The following APIP variants were observed in gnomAD, a reference collection of about 807,000 sequenced individuals.
APIP encodes APAF1 interacting protein.
Under a neutral mutation model 32.0 loss-of-function variants are expected in APIP, and 32 were observed. The observed-to-expected ratio is 1.00, with a 90% CI of 0.76 to 1.34. The LOEUF is 1.34. Among genes scored for constraint, APIP ranks in the 40% most tolerant of loss-of-function variants. APIP has a pLI of 0.00. For synonymous variants in APIP, 92 were observed against 94.8 expected, an observed-to-expected ratio of 0.97 and a Z score of 0.17; for missense variants, 247 against 298.6, an observed-to-expected ratio of 0.83 and a Z score of 1.27.
At chr11:34,893,911 A>C (rs1313118795) in intron 2 of APIP, among the ~76,000 whole-genome samples, 1 of 152,242 alleles carries the variant, frequency 6.6e-6, no homozygotes, top group Non-Finnish European at 1.5e-5. Context: ...ACAGCACATA[A>C]ATATTTTAAT....
chr11:34,890,493 C>A lies in APIP; in HGVS notation c.207+11G>T. On this transcript the variant is annotated intron_variant, in intron 3 of 6. Transcript: ENST00000395787. ...AAAAGACACTGAGGTTAAAGAATCCCATTACCATACCTGAATTCGTTCCTT... is the reference window on the plus strand; with the variant it reads ...AAAAGACACTGAGGTTAAAGAATCCAATTACCATACCTGAATTCGTTCCTT... 6.2e-7 allele frequency: 1 copy of A among 1,605,860 alleles called. No homozygotes were observed. The highest frequency in any genetic ancestry group is 8.5e-7 in the Non-Finnish European group (1 of 1,176,254).
chr11:34,898,085 T>A (rs962819145), intron 1 of APIP, among the ~76,000 whole-genome samples: 1 of 152,058 alleles, frequency 6.6e-6, no homozygotes, highest in Non-Finnish European at 1.5e-5. Context: ...CAAAGGGCCC[T>A]GGTGTTCCTT....
At position 34,882,357 on chromosome 11, in the gene APIP, C is replaced by T. The variant is rs1057175428; in HGVS notation, c.*360G>A. The T allele has an allele frequency of 6.4e-6, 1 of 155,340 alleles. No individual in the cohort carries two copies. Among genetic ancestry groups the T allele is most frequent in the African/African-American group, 2.4e-5 (1 of 41,584 alleles). The allele number at this position is 155,340 out of a possible 1,614,324, so 9.6% of individuals were successfully genotyped here. On this transcript the variant is annotated 3_prime_UTR_variant, in exon 7 of 7. Coordinates refer to ENST00000395787, the MANE Select transcript of APIP (RefSeq NM_015957.4). ...ACATTAAAACAAGAGAATGCTCATT[C>T]CACAATGAGGAAATTTTCTAATGAA...
intron 2 of APIP, among the ~76,000 whole-genome samples, chr11:34,893,726 T>A (rs148874323): frequency 2.6e-5 from 4 of 152,212 alleles, no homozygotes; most frequent in African/African-American, 4.8e-5. Context: ...CATTTCCCAA[T>A]GTTCAATGAA....
chr11:34,897,001 G>C, intron 1 of APIP: 1 of 346,254 alleles, frequency 2.9e-6, no homozygotes, highest in South Asian at 2.3e-5. Flanking sequence ...ATCACAACAA[G>C]GAAGCATGCC....
chr11:34,890,257 T>C (rs150375764), intron 3 of APIP, among the ~76,000 whole-genome samples: 1 of 152,276 alleles, frequency 6.6e-6, no homozygotes, highest in Non-Finnish European at 1.5e-5. Context: ...TGCTCTTTAC[T>C]GTGATTTAAG....
intron 1 of APIP, among the ~76,000 whole-genome samples, chr11:34,906,002 T>A (rs1462964087): frequency 1.3e-5 from 2 of 152,216 alleles, no homozygotes; most frequent in Non-Finnish European, 2.9e-5. Flanking sequence ...TCACTTGACA[T>A]GTCGAATTCC....
At chr11:34,898,479 C>T (rs373935483) in intron 1 of APIP, among the ~76,000 whole-genome samples, 9 of 152,148 alleles carry the variant, frequency 5.9e-5, no homozygotes, top group South Asian at 2.1e-4. Flanking sequence ...GCCTCTGGGT[C>T]GGACCCAGCC....
chr11:34,905,806 C>T (rs1056282589), intron 1 of APIP, among the ~76,000 whole-genome samples: 2 of 152,094 alleles, frequency 1.3e-5, no homozygotes, highest in African/African-American at 4.8e-5. Flanking sequence ...TGGGCCTTTC[C>T]AAACATGCCC....
chr11:34,896,659 C>T (rs1590707417), intron 1 of APIP: 2 of 640,206 alleles, frequency 3.1e-6, no homozygotes, highest in East Asian at 6.7e-5. Flanking sequence ...CACCATGGCA[C>T]GTGTATACCT....
intron 1 of APIP, among the ~76,000 whole-genome samples, chr11:34,898,561 A>T (rs1474311198): frequency 1.3e-5 from 2 of 151,694 alleles, no homozygotes; most frequent in Non-Finnish European, 2.9e-5. Flanking sequence ...TTCTTTTTCT[A>T]TCCACAGTCT....
intron 1 of APIP, among the ~76,000 whole-genome samples, chr11:34,910,964 G>A (rs1268790569): frequency 6.6e-6 from 1 of 152,192 alleles, no homozygotes; most frequent in Non-Finnish European, 1.5e-5. Flanking sequence ...TTTGAAACAG[G>A]TGTGGGGTAA....
chr11:34,896,654 T>C (rs949507476), intron 1 of APIP: 1 of 590,508 alleles, frequency 1.7e-6, no homozygotes, highest in Admixed American at 2.8e-5. Context: ...CAAACCACCA[T>C]GGCACGTGTA....
At chr11:34,899,719 G>C (rs1005400613) in intron 1 of APIP, among the ~76,000 whole-genome samples, 8 of 152,184 alleles carry the variant, frequency 5.3e-5, no homozygotes, top group Non-Finnish European at 1.0e-4. Context: ...AGGCCCAAAA[G>C]TCTAGTTCCT....
chr11:34,898,622 A>G (rs1353629163), intron 1 of APIP, among the ~76,000 whole-genome samples: 1 of 151,412 alleles, frequency 6.6e-6, no homozygotes, highest in East Asian at 1.9e-4. Context: ...TTAGCTCAGG[A>G]ATGCTGTTGC....
intron 6 of APIP, 108 bp downstream of exon 6, chr11:34,883,229 C>G: frequency 2.5e-6 from 3 of 1,206,604 alleles, no homozygotes; most frequent in South Asian, 3.4e-5. Context: ...AATAAAGTAT[C>G]TACAAATAAT....
intron 5 of APIP, among the ~76,000 whole-genome samples, chr11:34,885,666 G>A (rs1853056216): frequency 1.3e-5 from 2 of 152,142 alleles, no homozygotes; most frequent in South Asian, 4.1e-4. Flanking sequence ...ATTTCTCAAT[G>A]GATAACTTCA....
At chr11:34,889,974 G>A (rs1218767533) in intron 3 of APIP, among the ~76,000 whole-genome samples, 1 of 145,758 alleles carries the variant, frequency 6.9e-6, no homozygotes, top group Non-Finnish European at 1.5e-5. Context: ...CAATACAAAT[G>A]TTTTATTAAC....
At chr11:34,882,838 G>A (rs1225060548) in intron 6 of APIP, 22 bp from the exon 7 acceptor site, 5 of 1,520,548 alleles carry the variant, frequency 3.3e-6, no homozygotes, top group Non-Finnish European at 3.6e-6. Context: ...AAAGCAAAAA[G>A]AACCAGTGTT....
Sources: allele counts gnomAD v4.1 joint callset (sites outside exome capture counted in the v4.1 genomes callset), GRCh38; gene constraint gnomAD v4.1.1; transcripts MANE v1.5; gene names NCBI Gene and HGNC (gene_info 2026-07-23, HGNC 2026-07-21).